The following NCKAP5 variants were observed in gnomAD, a reference collection of about 807,000 sequenced individuals.
The protein encoded by NCKAP5 is NCK associated protein 5, also known as nck-associated protein 5.
A neutral mutation model predicts 167.0 loss-of-function variants in NCKAP5; 92 were observed. The ratio of observed to expected loss-of-function variants is 0.55; its 90% CI spans 0.47 to 0.66. The LOEUF (loss-of-function observed/expected upper bound fraction) is 0.66, where lower values mean the gene tolerates loss of function less well. Among genes scored for constraint, NCKAP5 ranks in the 30% least tolerant of loss-of-function variants. NCKAP5 has a pLI of 0.00. For missense variants in NCKAP5, 2,378 were observed against 2,315.0 expected (o/e 1.03, Z -0.56); for synonymous variants, 891 against 877.4 (o/e 1.02, Z -0.27).
chr2:133,389,001 C>T (rs772519516), intron 3 of NCKAP5, among the ~76,000 whole-genome samples: 3 of 152,226 alleles, frequency 2.0e-5, no homozygotes, highest in Admixed American at 6.5e-5. Flanking sequence ...GGTGATGCCT[C>T]GCCCTGCTTT....
At chr2:132,692,762 G>A (rs1404011680) in intron 19 of NCKAP5, among the ~76,000 whole-genome samples, 2 of 152,122 alleles carry the variant, frequency 1.3e-5, no homozygotes, top group African/African-American at 4.8e-5. Context: ...GCAAACCAAG[G>A]TACTGCTTGG....
intron 2 of NCKAP5, among the ~76,000 whole-genome samples, chr2:133,526,351 C>T (rs891375907): frequency 3.5e-5 from 5 of 144,160 alleles, no homozygotes; most frequent in African/African-American, 1.3e-4. Context: ...GAATACATGT[C>T]CTCAAATTTC....
At chr2:133,485,694 A>T (rs1680845804) in intron 3 of NCKAP5, among the ~76,000 whole-genome samples, 1 of 152,316 alleles carries the variant, frequency 6.6e-6, no homozygotes, top group Admixed American at 6.5e-5. Context: ...GTTACAAAGG[A>T]ACCCAATATT....
At chr2:133,542,075 C>G (rs1308973731) in intron 2 of NCKAP5, among the ~76,000 whole-genome samples, 1 of 152,092 alleles carries the variant, frequency 6.6e-6, no homozygotes, top group African/African-American at 2.4e-5. Context: ...GCCTGCATCC[C>G]AGTTGTGAGG....
chr2:133,257,899 T>C (rs2088702793), intron 4 of NCKAP5, among the ~76,000 whole-genome samples: 1 of 152,176 alleles, frequency 6.6e-6, no homozygotes, highest in Non-Finnish European at 1.5e-5. Context: ...CCAGCAGAAG[T>C]GCACCTGGGC....
chr2:132,795,832 A>AAAC lies in NCKAP5; in HGVS notation c.909+795_909+796insGTT, dbSNP rs1278296703. On this transcript the variant is annotated intron_variant, in intron 12 of 19. Coordinates refer to ENST00000409261, the MANE Select transcript of NCKAP5 (RefSeq NM_207363.3). ...AGACCCCGTATCAGAAAAAAAAAAA[A>AAAC]AAAAAACAAAAAAAACAAAAGAGAA... Among the ~76,000 whole-genome samples the AAAC allele has an allele frequency of 5.3e-5, 8 of 149,940 alleles. No homozygotes were observed. In the South Asian group the frequency reaches 8.5e-4, roughly 16 times the overall value.
intron 2 of NCKAP5, among the ~76,000 whole-genome samples, chr2:133,539,215 C>T (rs1379998004): frequency 6.6e-6 from 1 of 152,094 alleles, no homozygotes; most frequent in Non-Finnish European, 1.5e-5. Context: ...GCTGGAATTA[C>T]AGGCGTGAGC....
rs577620608 is a variant in NCKAP5, at chr2:133,311,580, G to A, written c.70-8470C>T. ...TTCCAACCCTTTAATCACATGTTTGGCTCTCCTGGCAACCAGCCCCCATCC... is the reference window on the plus strand; with the variant it reads ...TTCCAACCCTTTAATCACATGTTTGACTCTCCTGGCAACCAGCCCCCATCC... On this transcript the variant is annotated intron_variant, in intron 3 of 19. Transcript: ENST00000409261. Among the ~76,000 whole-genome samples the A allele has an allele frequency of 6.2e-4, 94 of 152,166 alleles. 1 individual carries two copies. The highest frequency in any genetic ancestry group is 1.6e-4 in the Non-Finnish European group (11 of 68,000).
At chr2:133,494,655 G>T (rs73003112) in intron 3 of NCKAP5, among the ~76,000 whole-genome samples, 1 of 152,034 alleles carries the variant, frequency 6.6e-6, no homozygotes, top group African/African-American at 2.4e-5. Flanking sequence ...TATGGAAATC[G>T]GGTACAACTA....
At chr2:133,123,641 G>T in intron 6 of NCKAP5, 1 of 358,492 alleles carries the variant, frequency 2.8e-6, no homozygotes, top group South Asian at 2.2e-5. Context: ...TATTCATCAG[G>T]AGGAGCAAGG....
chr2:133,167,671 C>T (rs912491549), intron 5 of NCKAP5, among the ~76,000 whole-genome samples: 3 of 152,162 alleles, frequency 2.0e-5, no homozygotes, highest in Non-Finnish European at 2.9e-5. Flanking sequence ...GCGTAGAACA[C>T]GGATTAGCTT....
At chr2:132,980,472 G>A (rs547539085) in intron 7 of NCKAP5, among the ~76,000 whole-genome samples, 7 of 152,238 alleles carry the variant, frequency 4.6e-5, no homozygotes, top group East Asian at 1.9e-4. Context: ...CCAAATTTGA[G>A]AGTCACTGGT....
At chr2:132,887,935 T>G (rs1303324608) in intron 8 of NCKAP5, among the ~76,000 whole-genome samples, 1 of 152,222 alleles carries the variant, frequency 6.6e-6, no homozygotes, top group East Asian at 1.9e-4. Context: ...ATTTAAATTC[T>G]ACTAGTCTTC....
chr2:133,014,418 C>T (rs898326191), intron 6 of NCKAP5, among the ~76,000 whole-genome samples: 10 of 152,226 alleles, frequency 6.6e-5, no homozygotes, highest in Admixed American at 6.5e-4. Context: ...CTAGAAATCT[C>T]CATCTCCAAA....
At chr2:133,120,029 T>C (rs2082202797) in intron 6 of NCKAP5, among the ~76,000 whole-genome samples, 1 of 152,084 alleles carries the variant, frequency 6.6e-6, no homozygotes, top group Non-Finnish European at 1.5e-5. Flanking sequence ...ATGCTTATTA[T>C]AAAACACAAC....
chr2:133,248,273 C>T (rs939011941), intron 4 of NCKAP5, among the ~76,000 whole-genome samples: 2 of 152,232 alleles, frequency 1.3e-5, no homozygotes, highest in African/African-American at 4.8e-5. Flanking sequence ...CCTAAATCTA[C>T]ACCCCACGCC....
intron 19 of NCKAP5, among the ~76,000 whole-genome samples, chr2:132,686,104 A>G (rs1455390511): frequency 6.6e-6 from 1 of 152,194 alleles, no homozygotes; most frequent in Non-Finnish European, 1.5e-5. Context: ...AAGCAATCTC[A>G]AAAGTAATCA....
At chr2:133,605,137 GCAGA>G in the NCKAP5 span, among the ~76,000 whole-genome samples, 1 of 152,134 alleles carries the variant, frequency 6.6e-6, no homozygotes, top group Non-Finnish European at 1.5e-5. Flanking sequence ...AAGCTCCTTA[GCAGA>G]CAGACACTGT....
intron 3 of NCKAP5, among the ~76,000 whole-genome samples, chr2:133,351,778 C>T (rs544953770): frequency 3.3e-5 from 5 of 152,230 alleles, no homozygotes; most frequent in Non-Finnish European, 7.4e-5. Flanking sequence ...CACATTGGAT[C>T]TCAGGAAAGC....
Sources: allele counts gnomAD v4.1 joint callset (sites outside exome capture counted in the v4.1 genomes callset), GRCh38; gene constraint gnomAD v4.1.1; transcripts MANE v1.5; gene names NCBI Gene and HGNC (gene_info 2026-07-23, HGNC 2026-07-21).